Variants in GRIK4 observed in about 807,000 individuals in gnomAD.
The protein encoded by GRIK4 is glutamate receptor ionotropic, kainate 4.
In GRIK4, 40 loss-of-function variants were observed where a neutral mutation model predicts 104.9. The observed-to-expected ratio is 0.38, with a 90% confidence interval of 0.30 to 0.50. The LOEUF (loss-of-function observed/expected upper bound fraction) is 0.50. GRIK4 is among the 20% of genes least tolerant of loss of function. The pLI, the probability that GRIK4 is intolerant of heterozygous loss-of-function variation, is 0.93. For missense variants in GRIK4, 1,047 were observed against 1,308.1 expected (o/e 0.80, Z 3.08); for synonymous variants, 485 against 524.9 (o/e 0.92, Z 1.04).
intron 9 of GRIK4, among the ~76,000 whole-genome samples, chr11:120,862,717 G>A (rs748837529): frequency 6.6e-6 from 1 of 152,036 alleles, no homozygotes; most frequent in Non-Finnish European, 1.5e-5. Flanking sequence ...CATGTGTGAC[G>A]GGAGCAAACC....
chr11:120,537,981 G>A (rs1397164379), intron 1 of GRIK4, among the ~76,000 whole-genome samples: 1 of 152,236 alleles, frequency 6.6e-6, no homozygotes, highest in African/African-American at 2.4e-5. Context: ...AGTCCGTGAT[G>A]TATGGCCATG....
chr11:120,979,813 A>G (rs546072867), intron 19 of GRIK4, among the ~76,000 whole-genome samples: 1 of 152,236 alleles, frequency 6.6e-6, no homozygotes, highest in African/African-American at 2.4e-5. Context: ...GACCCTCTGC[A>G]AGGGGGCCTT....
chr11:120,658,646 A>G (rs1425570707), intron 2 of GRIK4, among the ~76,000 whole-genome samples: 1 of 138,482 alleles, frequency 7.2e-6, no homozygotes, highest in East Asian at 2.4e-4. Flanking sequence ...AGCCATTTGG[A>G]TATCTTCTTT....
chr11:120,554,408 A>T (rs1239224915), intron 1 of GRIK4, among the ~76,000 whole-genome samples: 1 of 152,206 alleles, frequency 6.6e-6, no homozygotes, highest in Non-Finnish European at 1.5e-5. Context: ...CCAACCTTGC[A>T]GCCCCTGCAT....
chr11:120,556,832 C>CG (rs1948191866), intron 1 of GRIK4, among the ~76,000 whole-genome samples: 2 of 152,194 alleles, frequency 1.3e-5, no homozygotes. Flanking sequence ...GTCACGTCCC[C>CG]GCCCTCTATG....
chr11:120,828,002 C>T (rs1417642589), intron 6 of GRIK4, among the ~76,000 whole-genome samples: 2 of 152,240 alleles, frequency 1.3e-5, no homozygotes, highest in African/African-American at 4.8e-5. Flanking sequence ...TAGCCTGCCT[C>T]ATGACAGCCC....
chr11:120,862,576 C>T (rs77050943), intron 9 of GRIK4, among the ~76,000 whole-genome samples: 1 of 152,224 alleles, frequency 6.6e-6, no homozygotes, highest in East Asian at 1.9e-4. Context: ...TGGAACTAGA[C>T]CCCAGGAATC....
chr11:120,563,252 T>C (rs562132016), intron 1 of GRIK4, among the ~76,000 whole-genome samples: 2 of 152,164 alleles, frequency 1.3e-5, no homozygotes, highest in East Asian at 3.9e-4. Context: ...TGGGTGTACA[T>C]CTCCTAGGAT....
intron 14 of GRIK4, among the ~76,000 whole-genome samples, chr11:120,943,453 G>A (rs181144796): frequency 1.8e-4 from 28 of 152,246 alleles, no homozygotes; most frequent in Middle Eastern, 3.4e-3. Flanking sequence ...TGAGATGAAC[G>A]TTGTTATGTC....
chr11:120,975,571 A>G (rs1212825976), intron 19 of GRIK4, among the ~76,000 whole-genome samples: 2 of 152,224 alleles, frequency 1.3e-5, no homozygotes. Flanking sequence ...AAACTGGGCC[A>G]AGATTAAGCC....
chr11:120,585,272 A>G (rs1454460143), intron 1 of GRIK4, among the ~76,000 whole-genome samples: 2 of 152,084 alleles, frequency 1.3e-5, no homozygotes, highest in Non-Finnish European at 2.9e-5. Flanking sequence ...ACATGGGTAC[A>G]CACATATCTC....
chr11:120,822,809 A>G (rs772706182), intron 6 of GRIK4, among the ~76,000 whole-genome samples: 2 of 152,202 alleles, frequency 1.3e-5, no homozygotes, highest in Non-Finnish European at 2.9e-5. Context: ...TTGACGATAC[A>G]CATTAGCGTG....
intron 3 of GRIK4, among the ~76,000 whole-genome samples, chr11:120,667,556 G>C (rs1425397138): frequency 6.6e-6 from 1 of 152,250 alleles, no homozygotes; most frequent in East Asian, 1.9e-4. Flanking sequence ...TCATTAGTCT[G>C]GATAAACAGG....
At chr11:120,542,129 TAGAG>T (rs1253773479) in intron 1 of GRIK4, among the ~76,000 whole-genome samples, 4 of 152,110 alleles carry the variant, frequency 2.6e-5, no homozygotes, top group African/African-American at 9.7e-5. Context: ...TGGAACAGAA[TAGAG>T]AGCCCAGAAA....
At chr11:120,729,625 A>G (rs1951093652) in intron 3 of GRIK4, among the ~76,000 whole-genome samples, 1 of 152,194 alleles carries the variant, frequency 6.6e-6, no homozygotes, top group African/African-American at 2.4e-5. Flanking sequence ...TTTTTCCTAT[A>G]GAGTTGTTTG....
intron 1 of GRIK4, among the ~76,000 whole-genome samples, chr11:120,571,038 T>G (rs1347514978): frequency 1.3e-5 from 2 of 152,190 alleles, no homozygotes; most frequent in Non-Finnish European, 2.9e-5. Context: ...AGGTGATCAG[T>G]CAGCCCCTGT....
chr11:120,597,574 A>T (rs567106775), intron 1 of GRIK4, among the ~76,000 whole-genome samples: 5 of 152,328 alleles, frequency 3.3e-5, no homozygotes, highest in African/African-American at 1.2e-4. Context: ...AAGAACAAAA[A>T]GCAAATTGCC....
At chr11:120,911,516 CT>C (rs1565434124) in intron 13 of GRIK4, among the ~76,000 whole-genome samples, 3 of 143,500 alleles carry the variant, frequency 2.1e-5, no homozygotes, top group African/African-American at 7.5e-5. Flanking sequence ...GGATTACAGG[CT>C]TGAGCCACCG....
intron 13 of GRIK4, among the ~76,000 whole-genome samples, chr11:120,907,877 C>T (rs1271904695): frequency 6.6e-6 from 1 of 152,142 alleles, no homozygotes; most frequent in Non-Finnish European, 1.5e-5. Flanking sequence ...GTTGGTGTGC[C>T]ACTGGGGTTG....
Sources: allele counts gnomAD v4.1 joint callset (sites outside exome capture counted in the v4.1 genomes callset), GRCh38; gene constraint gnomAD v4.1.1; transcripts MANE v1.5; gene names NCBI Gene and HGNC (gene_info 2026-07-23, HGNC 2026-07-21).